PDE3B: variants seen among roughly 807,000 people sequenced by gnomAD.
PDE3B encodes the protein cGMP-inhibited 3',5'-cyclic phosphodiesterase 3B.
Under a neutral mutation model 116.8 loss-of-function variants are expected in PDE3B, and 66 were observed. The observed-to-expected ratio is 0.56, with a 90% CI of 0.46 to 0.69. PDE3B has a LOEUF of 0.69. Ranked by LOEUF, PDE3B falls within the 30% of genes least tolerant of loss-of-function variation. PDE3B has a pLI of 0.00. For missense variants in PDE3B, 1,384 were observed against 1,368.1 expected (o/e 1.01, Z -0.18); for synonymous variants, 595 against 533.6 (o/e 1.12, Z -1.59).
At chr11:14,736,617 A>G (rs1236397137) in intron 1 of PDE3B, among the ~76,000 whole-genome samples, 4 of 152,246 alleles carry the variant, frequency 2.6e-5, no homozygotes, top group Non-Finnish European at 5.9e-5. Context: ...ATATCCCAAT[A>G]CAGATGAATT....
chr11:14,729,669 A>AAT (rs1856402979), intron 1 of PDE3B, among the ~76,000 whole-genome samples: 1 of 152,248 alleles, frequency 6.6e-6, no homozygotes, highest in Non-Finnish European at 1.5e-5. Flanking sequence ...GAAGTTGATT[A>AAT]ATCTAACTTT....
At chr11:14,876,572 C>T (rs1449238457), downstream of PDE3B, among the ~76,000 whole-genome samples, 2 of 152,150 alleles carry the variant, frequency 1.3e-5, no homozygotes, top group South Asian at 2.1e-4. Context: ...ACCATAATTA[C>T]ACTCACAAAG....
At chr11:14,838,589 T>C (rs747540764) in intron 11 of PDE3B, among the ~76,000 whole-genome samples, 1 of 152,332 alleles carries the variant, frequency 6.6e-6, no homozygotes, top group East Asian at 1.9e-4. Context: ...ATTCTTGATT[T>C]ATAGGGAAAT....
chr11:14,738,769 A>C (rs535072458), intron 1 of PDE3B, among the ~76,000 whole-genome samples: 1 of 152,106 alleles, frequency 6.6e-6, no homozygotes, highest in East Asian at 1.9e-4. Context: ...ATCTTGAGTT[A>C]ATTTTTGTAT....
intron 1 of PDE3B, among the ~76,000 whole-genome samples, chr11:14,714,232 G>GTATATA (rs112089665): frequency 6.6e-6 from 1 of 152,014 alleles, no homozygotes; most frequent in Non-Finnish European, 1.5e-5. Context: ...GTATAAATGT[G>GTATATA]TATATATATG....
chr11:14,862,353 C>T (rs1555007320), intron 14 of PDE3B, among the ~76,000 whole-genome samples: 2 of 152,126 alleles, frequency 1.3e-5, no homozygotes, highest in South Asian at 2.1e-4. Context: ...GATTCTGTAA[C>T]CTAGAAGAAT....
At chr11:14,834,635 T>A (rs1859996623) in intron 10 of PDE3B, among the ~76,000 whole-genome samples, 1 of 152,216 alleles carries the variant, frequency 6.6e-6, no homozygotes, top group Non-Finnish European at 1.5e-5. Context: ...CTGTTCTGTG[T>A]ACAAAACTGT....
At chr11:14,653,247 G>A (rs953720655) in intron 1 of PDE3B, among the ~76,000 whole-genome samples, 23 of 151,996 alleles carry the variant, frequency 1.5e-4, no homozygotes, top group African/African-American at 4.8e-4. Context: ...GAAACCTCAC[G>A]TAAAAATTTA....
At chr11:14,689,378 G>GAAGTTACTCA (rs1854984358) in intron 1 of PDE3B, among the ~76,000 whole-genome samples, 1 of 152,142 alleles carries the variant, frequency 6.6e-6, no homozygotes, top group South Asian at 2.1e-4. Context: ...TTATACTCTA[G>GAAGTTACTCA]AAGTTACTCA....
intron 1 of PDE3B, among the ~76,000 whole-genome samples, chr11:14,647,059 T>C (rs1231514003): frequency 6.6e-6 from 1 of 152,012 alleles, no homozygotes; most frequent in African/African-American, 2.4e-5. Context: ...GAATGTTTAT[T>C]TATGCTTGTT....
At position 14,644,644 on chromosome 11, in the gene PDE3B, C is replaced by CG; in HGVS notation, c.571dup (p.Glu191GlyfsTer149). On this transcript the variant is annotated frameshift_variant, in exon 1 of 16. Transcript: ENST00000282096. LOFTEE classifies it high-confidence loss of function. ...GGGTCCGCGGCCCCGCACACGCCCCCGGAGGCGGCAGCGGGCAGGTTGCTG... is the reference window on the plus strand; with the variant it reads ...GGGTCCGCGGCCCCGCACACGCCCCCGGGAGGCGGCAGCGGGCAGGTTGCTG... 1 of 1,504,580 alleles carries CG rather than the reference C, an allele frequency of 6.6e-7. No individual in the cohort carries two copies. Among genetic ancestry groups the CG allele is most frequent in the African/African-American group, 1.4e-5 (1 of 71,968 alleles). The allele number at this position is 1,504,580 out of a possible 1,614,324, so 93.2% of individuals were successfully genotyped here.
intron 1 of PDE3B, among the ~76,000 whole-genome samples, chr11:14,654,255 C>CA (rs1223847002): frequency 6.6e-5 from 10 of 152,084 alleles, no homozygotes; most frequent in African/African-American, 2.4e-4. Context: ...TACATTATTG[C>CA]AAAATTACAG....
At chr11:14,882,554 C>G in the PDE3B span, among the ~76,000 whole-genome samples, 1 of 152,138 alleles carries the variant, frequency 6.6e-6, no homozygotes, top group Non-Finnish European at 1.5e-5. Flanking sequence ...TGACACTGGG[C>G]TCACCCAAAG....
At chr11:14,858,099 G>T (rs1847882197) in intron 12 of PDE3B, among the ~76,000 whole-genome samples, 1 of 152,038 alleles carries the variant, frequency 6.6e-6, no homozygotes, top group African/African-American at 2.4e-5. Context: ...CTTAAATCTA[G>T]GCTATAGCTA....
At chr11:14,691,707 A>G (rs1855045356) in intron 1 of PDE3B, among the ~76,000 whole-genome samples, 1 of 152,214 alleles carries the variant, frequency 6.6e-6, no homozygotes. Flanking sequence ...ATATAAGCAA[A>G]TAAGCATGTA....
At chr11:14,855,392 T>C (rs1360851120) in intron 12 of PDE3B, among the ~76,000 whole-genome samples, 7 of 152,114 alleles carry the variant, frequency 4.6e-5, no homozygotes, top group African/African-American at 1.4e-4. Context: ...AATACATCTA[T>C]AAAAGAACAA....
chr11:14,643,918 C>T lies in PDE3B; in HGVS notation c.-158C>T. ...TCCCGGACTCCGCCGCTCCTCAGTC[C>T]GCGCGGTGGGGACCCCGGGCCGTGG... On this transcript the variant is annotated 5_prime_UTR_variant, in exon 1 of 16. Coordinates refer to ENST00000282096, the MANE Select transcript of PDE3B (RefSeq NM_000922.4). The T allele has an allele frequency of 8.9e-7, 1 of 1,129,008 alleles. No individual in the cohort carries two copies. The highest frequency in any genetic ancestry group is 1.2e-6 in the Non-Finnish European group (1 of 859,178). 69.9% of individuals were successfully genotyped at this position (1,129,008 alleles called of 1,614,324 possible).
intron 14 of PDE3B, among the ~76,000 whole-genome samples, chr11:14,862,409 G>A (rs978414649): frequency 1.3e-5 from 2 of 152,070 alleles, no homozygotes; most frequent in Non-Finnish European, 2.9e-5. Context: ...GGTGTGCTCA[G>A]AATATATTTA....
At chr11:14,748,893 T>TC (rs1271033409) in intron 1 of PDE3B, among the ~76,000 whole-genome samples, 16 of 149,856 alleles carry the variant, frequency 1.1e-4, no homozygotes, top group African/African-American at 3.7e-4. Context: ...TTTCTTTCTT[T>TC]TTTTTTTTTT....
Sources: allele counts gnomAD v4.1 joint callset (sites outside exome capture counted in the v4.1 genomes callset), GRCh38; gene constraint gnomAD v4.1.1; transcripts MANE v1.5; gene names NCBI Gene and HGNC (gene_info 2026-07-23, HGNC 2026-07-21).